Variants in CHFR observed in about 807,000 individuals in gnomAD.
CHFR encodes E3 ubiquitin-protein ligase CHFR.
Under a neutral mutation model 87.6 loss-of-function variants are expected in CHFR, and 57 were observed. The observed-to-expected ratio is 0.65, with a 90% CI of 0.53 to 0.81. The LOEUF is 0.81. Among genes scored for constraint, CHFR ranks in the 30% least tolerant of loss-of-function variants. CHFR has a pLI of 0.00. For missense variants in CHFR, 797 were observed against 865.8 expected (o/e 0.92, Z 1.00); for synonymous variants, 381 against 359.2 (o/e 1.06, Z -0.69).
intron 6 of CHFR, among the ~76,000 whole-genome samples, chr12:132,863,778 G>C (rs1409563596): frequency 6.6e-6 from 1 of 151,726 alleles, no homozygotes; most frequent in African/African-American, 2.4e-5. Context: ...TCTTTTTTTT[G>C]AGACAGGGTC....
intron 3 of CHFR, among the ~76,000 whole-genome samples, chr12:132,876,890 G>T (rs1183769326): frequency 6.6e-6 from 1 of 152,308 alleles, no homozygotes; most frequent in African/African-American, 2.4e-5. Context: ...CGACTCCCGG[G>T]TTCAAGTGAT....
Position 132,844,095 on chromosome 12 carries a change from C to T in CHFR, c.1775G>A (p.Cys592Tyr). ...VTGDTVLCYC[C>Y]GLRSFRELTY... is the part of the protein sequence containing the mutation. ...CAGCTCACGGAAGCTGCGCAGGCCA[C>T]AGCAGTAACACAGAACGGTGTCTCC... Residue 592 changes from cysteine to tyrosine, a missense_variant, in exon 16 of 18, where the codon TGT becomes TAT. Cys to Tyr is a radical substitution (Grantham distance 194). Around this residue, in one of 2 missense-constraint regions of CHFR, gnomAD observed 200 missense variants for 264.6 expected, o/e 0.76. Transcript: ENST00000450056. The T allele has an allele frequency of 3.7e-6, 6 of 1,613,852 alleles. No homozygotes were observed. The highest frequency in any genetic ancestry group is 4.2e-6 in the Non-Finnish European group (5 of 1,179,772).
intron 15 of CHFR, among the ~76,000 whole-genome samples, chr12:132,844,545 A>C (rs1950775298): frequency 6.7e-6 from 1 of 150,088 alleles, no homozygotes; most frequent in African/African-American, 2.4e-5. Flanking sequence ...CGGCCTCCCA[A>C]AGTGCTGGGA....
intron 14 of CHFR, 102 bp from the exon 15 acceptor site, chr12:132,847,232 A>T: frequency 6.6e-7 from 1 of 1,524,376 alleles, no homozygotes; most frequent in East Asian, 2.4e-5. Context: ...GAAAGTGTGC[A>T]AAGCCAAAGC....
rs1951441603 is a variant in CHFR at position 132,869,749 on chromosome 12, C to T, written c.453G>A (p.Pro151=). ...AGCACACCTGAGTGGCGGGCGACGA[C>T]GGAGGGACCCGGGGATCGGCCCCTC... The part of the protein sequence containing the change: ...AGRGADPRVP[P]SSPATQVCFE... Residue 151 remains proline, a synonymous_variant, in exon 6 of 18, where the codon CCG becomes CCA. Coordinates refer to ENST00000450056, the MANE Select transcript of CHFR (RefSeq NM_001161346.2). The T allele has an allele frequency of 2.6e-6, 4 of 1,551,344 alleles. No individual in the cohort carries two copies. The highest frequency in any genetic ancestry group is 2.0e-5 in the Admixed American group (1 of 50,970).
In CHFR at chr12:132,847,094, T is replaced by C; in HGVS notation, c.1684A>G (p.Met562Val). 6.2e-7 allele frequency: 1 copy of C among 1,613,818 alleles called. No individual in the cohort carries two copies. The change falls in exon 15 of 18, where the codon ATG becomes GTG. Residue 562 changes from methionine to valine, a missense_variant. By Grantham distance (21) the Met-to-Val change is conservative. Coordinates refer to ENST00000450056, the MANE Select transcript of CHFR (RefSeq NM_001161346.2). The part of the protein sequence containing the change: ...LATRGLTWKN[M>V]LTESLVALQR... Reference sequence around the variant, plus strand: ...AGAGCCACGAGGCTCTCGGTCAACATGTTTTTCCATGTCAAACCTCTGGTT... The same window carrying C: ...AGAGCCACGAGGCTCTCGGTCAACACGTTTTTCCATGTCAAACCTCTGGTT...
intron 3 of CHFR, among the ~76,000 whole-genome samples, chr12:132,872,709 G>A (rs1230691038): frequency 6.6e-6 from 1 of 152,160 alleles, no homozygotes; most frequent in Admixed American, 6.6e-5. Context: ...CTACAGTGTG[G>A]TGCTTCCACC....
At chr12:132,847,242 C>A in intron 14 of CHFR, 112 bp from the exon 15 acceptor site, 1 of 1,494,548 alleles carries the variant, frequency 6.7e-7, no homozygotes, top group Non-Finnish European at 8.9e-7. Flanking sequence ...AAAGCCAAAG[C>A]TCAGACCCTT....
intron 14 of CHFR, 166 bp from the exon 15 acceptor site, chr12:132,847,296 A>C (rs1429940016): frequency 1.5e-6 from 2 of 1,376,196 alleles, no homozygotes; most frequent in Non-Finnish European, 9.4e-7. Context: ...GGCCTGCAGC[A>C]CGAGAAGTCT....
chr12:132,857,323 G>C, intron 9 of CHFR, 82 bp downstream of exon 9: 1 of 1,414,420 alleles, frequency 7.1e-7, no homozygotes, highest in East Asian at 2.5e-5. Flanking sequence ...GGTGCTGCTG[G>C]GTGGATGCCC....
Position 132,848,147 on chromosome 12 carries a change from G to A in CHFR, c.1585C>T (p.Leu529=). ...GCLAPFCELN[L]GDKCLDGVLN... is the part of the protein sequence containing the mutation. ...ACGCCGTCCAGACACTTGTCACCCAGGTTGAGCTCTGCCGAGATGAAGGGG... is the reference window on the plus strand; with the variant it reads ...ACGCCGTCCAGACACTTGTCACCCAAGTTGAGCTCTGCCGAGATGAAGGGG... Residue 529 remains leucine, a synonymous_variant, in exon 14 of 18, where the codon CTG becomes TTG. Transcript: ENST00000450056. 2 of 1,614,180 alleles carry A rather than the reference G, an allele frequency of 1.2e-6. No homozygotes were observed. Among genetic ancestry groups the A allele is most frequent in the Non-Finnish European group, 1.7e-6 (2 of 1,180,038 alleles).
chr12:132,871,664 C>T (rs898500708), intron 4 of CHFR, among the ~76,000 whole-genome samples: 16 of 149,134 alleles, frequency 1.1e-4, no homozygotes, highest in Non-Finnish European at 1.6e-4. Flanking sequence ...CCCAGCTACT[C>T]AGGAGGCTGA....
Position 132,872,283 on chromosome 12 carries a change from A to T in CHFR, c.343+2T>A. 1.9e-6 allele frequency: 3 copies of T among 1,597,548 alleles called. No individual in the cohort carries two copies. Among genetic ancestry groups the T allele is most frequent in the Non-Finnish European group, 2.6e-6 (3 of 1,165,038 alleles). On this transcript the variant is annotated splice_donor_variant, in intron 4 of 17. Transcript: ENST00000450056. LOFTEE classifies it high-confidence loss of function. The stretch of plus-strand genomic sequence containing the variant: ...ACCCCGGCAAGCCTTCCTCTCTCTT[A>T]CTGTGTTCCGGTTCATTCTTCCTGT...
chr12:132,851,759 C>T, intron 11 of CHFR, 22 bp from the exon 12 acceptor site: 1 of 1,600,458 alleles, frequency 6.2e-7, no homozygotes. Context: ...GCACATTCAG[C>T]CGGAGCACGT....
At chr12:132,856,654 C>T (rs11147110) in intron 9 of CHFR, 24 bp from the exon 10 acceptor site, 299,627 of 1,609,790 alleles carry the variant, frequency 0.19, 30,139 homozygotes, top group Admixed American at 0.26. Context: ...GACACAGCGC[C>T]ATTCACCGGC....
chr12:132,864,401 T>C (rs1267224301), intron 6 of CHFR, among the ~76,000 whole-genome samples: 1 of 152,250 alleles, frequency 6.6e-6, no homozygotes, highest in African/African-American at 2.4e-5. Context: ...GCCTCACATT[T>C]AGTAGCTGCT....
chr12:132,873,324 C>T (rs1293846732), intron 3 of CHFR, among the ~76,000 whole-genome samples: 1 of 152,224 alleles, frequency 6.6e-6, no homozygotes, highest in African/African-American at 2.4e-5. Context: ...CAAATGCAGA[C>T]AGTAAGCAAA....
chr12:132,853,645 C>A, intron 10 of CHFR, 72 bp from the exon 11 acceptor site: 1 of 1,450,214 alleles, frequency 6.9e-7, no homozygotes, highest in Admixed American at 3.0e-5. Context: ...CAACGCGGGT[C>A]CGCAGCCATC....
intron 3 of CHFR, among the ~76,000 whole-genome samples, chr12:132,873,297 C>T (rs1951534814): frequency 1.3e-5 from 2 of 152,184 alleles, no homozygotes; most frequent in Admixed American, 6.5e-5. Context: ...TCAGCTCTGC[C>T]GTCTGTAGCA....
Sources: allele counts gnomAD v4.1 joint callset (sites outside exome capture counted in the v4.1 genomes callset), GRCh38; gene constraint gnomAD v4.1.1; regional missense constraint gnomAD v4.1.1; transcripts MANE v1.5; gene names NCBI Gene and HGNC (gene_info 2026-07-23, HGNC 2026-07-21).